The following TRDN variants were observed in gnomAD, a reference collection of about 807,000 sequenced individuals.
The protein encoded by TRDN is triadin, also known as triadin in skeletal muscle.
Under a neutral mutation model 149.7 loss-of-function variants are expected in TRDN, and 161 were observed. The observed-to-expected ratio is 1.08, with a 90% confidence interval of 0.95 to 1.23. The LOEUF (loss-of-function observed/expected upper bound fraction) is 1.23, where lower values mean the gene tolerates loss of function less well. TRDN is among the 50% of genes most tolerant of loss of function. The pLI is 0.00. For synonymous variants in TRDN, 294 were observed against 250.5 expected, an observed-to-expected ratio of 1.17 and a Z score of -1.64; for missense variants, 896 against 823.5, an observed-to-expected ratio of 1.09 and a Z score of -1.08.
intron 38 of TRDN, among the ~76,000 whole-genome samples, chr6:123,230,136 C>T (rs981786796): frequency 2.0e-5 from 3 of 151,892 alleles, no homozygotes; most frequent in Non-Finnish European, 2.9e-5. Flanking sequence ...GGAACCAACC[C>T]AAATGTTCAT....
chr6:123,326,610 C>T (rs1041843854), intron 23 of TRDN, among the ~76,000 whole-genome samples: 1 of 151,902 alleles, frequency 6.6e-6, no homozygotes, highest in Non-Finnish European at 1.5e-5. Flanking sequence ...CTATACAAAA[C>T]TTCATGTAGT....
chr6:123,380,905 G>C (rs1320111009), intron 16 of TRDN, among the ~76,000 whole-genome samples: 1 of 151,962 alleles, frequency 6.6e-6, no homozygotes, highest in Non-Finnish European at 1.5e-5. Context: ...GTGAGTGTAG[G>C]GGGGAAATTA....
intron 12 of TRDN, among the ~76,000 whole-genome samples, chr6:123,416,868 AT>A (rs1163802029): frequency 3.3e-5 from 5 of 151,900 alleles, no homozygotes; most frequent in African/African-American, 1.2e-4. Flanking sequence ...AGCCTAGCTA[AT>A]TTTTTGTATT....
intron 1 of TRDN, among the ~76,000 whole-genome samples, chr6:123,573,459 A>G (rs1782677204): frequency 1.3e-5 from 2 of 152,114 alleles, no homozygotes; most frequent in Non-Finnish European, 2.9e-5. Flanking sequence ...AACTACAAAT[A>G]TCACTCTAAG....
rs200101756 is a variant in TRDN at position 123,342,264 on chromosome 6, C to T, written c.1370-4595G>A. Among the ~76,000 whole-genome samples the T allele has an allele frequency of 7.2e-5, 11 of 151,738 alleles. No homozygotes were observed. The East Asian group carries it at 2.1e-3, about 29-fold the overall frequency. On this transcript the variant is annotated intron_variant, in intron 21 of 40. Transcript: ENST00000334268. ...TTTATTTGATAAGAAATTAGATATG[C>T]ATTCTATTAACTTCTATTTTAATGT...
chr6:123,597,241 A>G (rs770744273), intron 1 of TRDN, among the ~76,000 whole-genome samples: 3 of 152,246 alleles, frequency 2.0e-5, no homozygotes, highest in Admixed American at 1.3e-4. Context: ...CAGATGTAAT[A>G]GAAATAGGAA....
At chr6:123,544,950 A>G (rs960415288) in intron 4 of TRDN, among the ~76,000 whole-genome samples, 5 of 151,938 alleles carry the variant, frequency 3.3e-5, no homozygotes, top group African/African-American at 9.7e-5. Flanking sequence ...TTCCATACCA[A>G]ATTAAAAACT....
Position 123,426,484 on chromosome 6 carries a change from G to T in TRDN, c.1051+11579C>A, listed in dbSNP as rs573364427. Among the ~76,000 whole-genome samples the T allele has an allele frequency of 2.6e-4, 39 of 152,214 alleles. No homozygotes were observed. The South Asian group carries it at 4.6e-3, about 18-fold the overall frequency. The stretch of plus-strand genomic sequence containing the variant: ...CAATAGTAAGTAGTACAAATTCCTG[G>T]GAATGTTAGTGTCTATACATATTTT... On this transcript the variant is annotated intron_variant, in intron 12 of 40. Coordinates refer to ENST00000334268, the MANE Select transcript of TRDN (RefSeq NM_006073.4).
At chr6:123,464,627 AT>A in intron 10 of TRDN, 1 of 1,152,910 alleles carries the variant, frequency 8.7e-7, no homozygotes, top group Non-Finnish European at 1.1e-6. Context: ...GCATAGCCTT[AT>A]CTATTTGTCC....
At chr6:123,471,270 G>A (rs577533680) in intron 9 of TRDN, 1 of 152,304 alleles carries the variant, frequency 6.6e-6, no homozygotes, top group South Asian at 2.1e-4. Flanking sequence ...AACAAGTACA[G>A]TGCCATAATA....
chr6:123,488,189 C>G (rs1213354015), intron 9 of TRDN, among the ~76,000 whole-genome samples: 1 of 152,166 alleles, frequency 6.6e-6, no homozygotes, highest in Admixed American at 6.6e-5. Context: ...GATTATCTAG[C>G]TGCTTACTTC....
At chr6:123,291,280 A>G (rs1351867433) in intron 24 of TRDN, among the ~76,000 whole-genome samples, 1 of 151,812 alleles carries the variant, frequency 6.6e-6, no homozygotes, top group Non-Finnish European at 1.5e-5. Context: ...AAGAGGTAGT[A>G]TAGGCTGGGT....
At chr6:123,357,360 AT>A (rs1780721456) in intron 20 of TRDN, among the ~76,000 whole-genome samples, 1 of 152,088 alleles carries the variant, frequency 6.6e-6, no homozygotes, top group Non-Finnish European at 1.5e-5. Context: ...GGAAAAGGAG[AT>A]TTTAGGTATA....
intron 12 of TRDN, among the ~76,000 whole-genome samples, chr6:123,423,962 A>G (rs1245552511): frequency 3.3e-5 from 5 of 152,158 alleles, no homozygotes; most frequent in Non-Finnish European, 7.4e-5. Flanking sequence ...TGACAGGTGG[A>G]ACAATGACAG....
intron 9 of TRDN, among the ~76,000 whole-genome samples, chr6:123,475,671 CA>C (rs1777437344): frequency 8.7e-6 from 1 of 114,522 alleles, no homozygotes; most frequent in East Asian, 2.6e-4. Flanking sequence ...AAAATACTGG[CA>C]AAACGAATCC....
At chr6:123,448,039 G>A (rs1245790419) in intron 10 of TRDN, among the ~76,000 whole-genome samples, 1 of 152,224 alleles carries the variant, frequency 6.6e-6, no homozygotes. Context: ...TCAATTTGGA[G>A]AGTTGAGCAA....
intron 1 of TRDN, among the ~76,000 whole-genome samples, chr6:123,609,140 T>A (rs372076326): frequency 1.1e-4 from 17 of 151,838 alleles, no homozygotes; most frequent in African/African-American, 4.1e-4. Context: ...GACACTGCAC[T>A]CCAGTCTGGG....
intron 1 of TRDN, among the ~76,000 whole-genome samples, chr6:123,597,633 A>T (rs1007580116): frequency 6.6e-6 from 1 of 152,016 alleles, no homozygotes; most frequent in Admixed American, 6.6e-5. Flanking sequence ...AGCCACCCCA[A>T]CCTTTAGCAA....
At chr6:123,342,261 A>G (rs917394694) in intron 21 of TRDN, among the ~76,000 whole-genome samples, 4 of 151,894 alleles carry the variant, frequency 2.6e-5, no homozygotes, top group African/African-American at 7.2e-5. Context: ...GAAATTAGAT[A>G]TGCATTCTAT....
Sources: allele counts gnomAD v4.1 joint callset (sites outside exome capture counted in the v4.1 genomes callset), GRCh38; gene constraint gnomAD v4.1.1; transcripts MANE v1.5; gene names NCBI Gene and HGNC (gene_info 2026-07-23, HGNC 2026-07-21).